The following UNKL variants were observed in gnomAD, a reference collection of about 807,000 sequenced individuals.
The protein encoded by UNKL is putative E3 ubiquitin-protein ligase UNKL.
In UNKL, 60 loss-of-function variants were observed where a neutral mutation model predicts 78.0. That is an observed-to-expected ratio of 0.77 (90% CI 0.63 to 0.95). The LOEUF is 0.95. Among genes scored for constraint, UNKL ranks in the 40% least tolerant of loss-of-function variants. The pLI, the probability that UNKL is intolerant of heterozygous loss-of-function variation, is 0.00. For synonymous variants in UNKL, 608 were observed against 474.8 expected (o/e 1.28, Z -3.65); for missense variants, 1,159 against 1,045.7 (o/e 1.11, Z -1.49).
chr16:1,394,263 G>C, intron 6 of UNKL, 48 bp from the exon 7 acceptor site: 3 of 1,538,198 alleles, frequency 2.0e-6, no homozygotes, highest in African/African-American at 1.4e-5. Context: ...ATGGGATTCT[G>C]TGGAAAGACC....
At chr16:1,381,158 C>A (rs1478102023) in intron 10 of UNKL, among the ~76,000 whole-genome samples, 1 of 152,196 alleles carries the variant, frequency 6.6e-6, no homozygotes. Context: ...CACACAGGCA[C>A]CTGGGTCGAC....
In UNKL at chr16:1,394,163, C is replaced by G. The variant is rs2037162877; in HGVS notation, c.905G>C (p.Arg302Pro). The G allele has an allele frequency of 1.3e-6, 2 of 1,550,592 alleles. No homozygotes were observed. Among genetic ancestry groups the G allele is most frequent in the Admixed American group, 2.0e-5 (1 of 50,994 alleles). ...GTGTGCAAAGGCACAGAAGGGGCCG[C>G]GCGGGCAGTACCCGGTTTGGCGCAT... ...NDMRQTGYCP[R>P]GPFCAFAHVE... Residue 302 changes from arginine (R) to proline (P), a missense_variant, in exon 7 of 15, where the codon CGC becomes CCC. By Grantham distance (103) the Arg-to-Pro change is moderately radical. Transcript: ENST00000389221.
At chr16:1,371,441 C>T in intron 11 of UNKL, 78 bp downstream of exon 11, 1 of 1,434,236 alleles carries the variant, frequency 7.0e-7, no homozygotes. Flanking sequence ...CCTCCCCGGG[C>T]TCAAGCGATC....
chr16:1,367,049 TGCAGG>T, intron 14 of UNKL, 38 bp downstream of exon 14: 1 of 1,478,902 alleles, frequency 6.8e-7, no homozygotes, highest in Admixed American at 2.2e-5. Context: ...ACAGCAGCCC[TGCAGG>T]CAGGCTGGCC....
rs767108361 is a variant in UNKL, at chr16:1,367,139, G to A, written c.1999C>T (p.His667Tyr). The A allele has an allele frequency of 3.8e-6, 6 of 1,597,936 alleles. No homozygotes were observed. The highest frequency in any genetic ancestry group is 1.7e-4 in the Middle Eastern group (1 of 6,002). ...DIGTIPLPKL[H>Y]SLQSQLRLDL... ...AGGCGCAGCTGACTCTGCAGCGAGTGCAGCTTCGGCAGGGGAATGGTGCCG... is the reference window on the plus strand; with the variant it reads ...AGGCGCAGCTGACTCTGCAGCGAGTACAGCTTCGGCAGGGGAATGGTGCCG... Residue 667 changes from histidine (H) to tyrosine (Y), a missense_variant, in exon 14 of 15, where the codon CAC becomes TAC. By Grantham distance (83) the His-to-Tyr change is moderately conservative (BLOSUM62 2). Coordinates refer to ENST00000389221, the MANE Select transcript of UNKL (RefSeq NM_001372107.1).
Position 1,385,264 on chromosome 16 carries a change from GGC to G in UNKL, c.1206_1207del (p.Pro404ArgfsTer26). ...GCCGAGCGGGAGGGCACGGGCGGGG[GGC>G]GCGGGCAGCGCAGTGGGGGAGGAGC... On this transcript the variant is annotated frameshift_variant, in exon 10 of 15. Coordinates refer to ENST00000389221, the MANE Select transcript of UNKL (RefSeq NM_001372107.1). LOFTEE classifies it high-confidence loss of function. 7.5e-7 allele frequency: 1 copy of G among 1,336,224 alleles called. No homozygotes were observed. Among genetic ancestry groups the G allele is most frequent in the Non-Finnish European group, 9.5e-7 (1 of 1,047,760 alleles). The allele number at this position is 1,336,224 out of a possible 1,614,324, so 82.8% of individuals were successfully genotyped here.
chr16:1,389,213 C>G (rs893334374), intron 9 of UNKL, among the ~76,000 whole-genome samples: 2 of 152,192 alleles, frequency 1.3e-5, no homozygotes, highest in Non-Finnish European at 2.9e-5. Flanking sequence ...ACGTGTCCCC[C>G]CCAAATTCCT....
At position 1,363,324 on chromosome 16, in the gene UNKL, C is replaced by T. The variant is rs890946572; in HGVS notation, c.*2916G>A. ...AAACAAGTGTTAACTTTAAACAGTT[C>T]GCTACAAGTAAATGATTATAAATAC... is the stretch of plus-strand genomic sequence containing the variant. On this transcript the variant is annotated 3_prime_UTR_variant, in exon 15 of 15. Coordinates refer to ENST00000389221, the MANE Select transcript of UNKL (RefSeq NM_001372107.1). 4.3e-5 allele frequency: 23 copies of T among 536,182 alleles called. No homozygotes were observed. The highest frequency in any genetic ancestry group is 5.1e-4 in the Middle Eastern group (1 of 1,964). 33.2% of individuals were successfully genotyped at this position (536,182 alleles called of 1,614,324 possible).
intron 10 of UNKL, among the ~76,000 whole-genome samples, chr16:1,371,885 C>G (rs1006618193): frequency 1.3e-5 from 2 of 152,214 alleles, no homozygotes; most frequent in African/African-American, 4.8e-5. Context: ...GCCTCTGACA[C>G]GCTGCTGCTG....
intron 5 of UNKL, chr16:1,398,679 G>GCGGGGCCCCCCCCC: frequency 1.5e-6 from 2 of 1,356,272 alleles, no homozygotes; most frequent in Non-Finnish European, 1.9e-6. Context: ...TGTGGGGTCT[G>GCGGGGCCCCCCCCC]CACCCCCCCA....
chr16:1,380,522 G>C (rs954247494), intron 10 of UNKL, among the ~76,000 whole-genome samples: 4 of 151,734 alleles, frequency 2.6e-5, no homozygotes, highest in Admixed American at 6.6e-5. Context: ...CTCAGACATG[G>C]ACAGAGGAAA....
rs780190624 is a variant in UNKL, at chr16:1,401,621, A to C, written c.545T>G (p.Leu182Trp). The change falls in exon 4 of 15, where the codon TTG becomes TGG. Residue 182 changes from leucine to tryptophan, a missense_variant. Coordinates refer to ENST00000389221, the MANE Select transcript of UNKL (RefSeq NM_001372107.1). ...EGVPDLQPGV[L>W]ASQAMIEKIL... ...CTTCTCAATCATGGCCTGGCTGGCCAAGACCCCAGGCTGCAGATCCGGGAC... is the reference window on the plus strand; with the variant it reads ...CTTCTCAATCATGGCCTGGCTGGCCCAGACCCCAGGCTGCAGATCCGGGAC... The C allele has an allele frequency of 6.2e-6, 10 of 1,608,428 alleles. No individual in the cohort carries two copies. Among genetic ancestry groups the C allele is most frequent in the African/African-American group, 1.4e-5 (1 of 73,982 alleles).
intron 2 of UNKL, among the ~76,000 whole-genome samples, chr16:1,410,213 C>T (rs2037974041): frequency 6.6e-6 from 1 of 151,276 alleles, no homozygotes; most frequent in Admixed American, 6.6e-5. Flanking sequence ...CTGCAGTGGG[C>T]TGTAATGGCA....
At chr16:1,370,021 C>T in intron 12 of UNKL, 109 bp downstream of exon 12, 1 of 1,551,224 alleles carries the variant, frequency 6.4e-7, no homozygotes. Context: ...TTTGCCACCA[C>T]AGATAGGGCA....
At chr16:1,401,408 C>A in intron 4 of UNKL, 160 bp downstream of exon 4, 1 of 941,480 alleles carries the variant, frequency 1.1e-6, no homozygotes. Flanking sequence ...CACCCACCCC[C>A]TGTTGGGGAG....
chr16:1,371,653 T>C lies in UNKL; in HGVS notation c.1265-42A>G, dbSNP rs1310725501. 14 of 1,528,744 alleles carry C rather than the reference T, an allele frequency of 9.2e-6. No homozygotes were observed. The Admixed American group carries it at 2.8e-4, about 30-fold the overall frequency. The allele number at this position is 1,528,744 out of a possible 1,614,324, so 94.7% of individuals were successfully genotyped here. A position where few individuals can be genotyped will look rare whatever the true frequency, so the allele number is the denominator to read the frequency against. On this transcript the variant is annotated intron_variant, in intron 10 of 14. Transcript: ENST00000389221. ...CCATCATCCACAGCCCACCCAGCGC[T>C]GCAGAGCTCAGGAAGCCTAGCTGAG...
At chr16:1,398,999 G>A (rs2142184546) in intron 5 of UNKL, 1 of 1,469,686 alleles carries the variant, frequency 6.8e-7, no homozygotes, top group Non-Finnish European at 9.0e-7. Flanking sequence ...GGCAGCTTGG[G>A]TGAGGAGACA....
chr16:1,387,266 T>A lies in UNKL; in HGVS notation c.1087-1881A>T, dbSNP rs866808559. Among the ~76,000 whole-genome samples, 2 of 152,210 alleles carry A rather than the reference T, an allele frequency of 1.3e-5. No individual in the cohort carries two copies. Among genetic ancestry groups the A allele is most frequent in the Non-Finnish European group, 2.9e-5 (2 of 67,998 alleles). On this transcript the variant is annotated intron_variant, in intron 9 of 14. Transcript: ENST00000389221. The surrounding 1 kb of genome is among the most constrained non-coding windows in gnomAD (Gnocchi z 4.1). ...TGCATGGTGCTGCCAATACCCCCTA[T>A]CAATCCCCCATGGTGAGCCTGGTGA...
At chr16:1,371,998 T>C (rs1053991202) in intron 10 of UNKL, among the ~76,000 whole-genome samples, 3 of 152,068 alleles carry the variant, frequency 2.0e-5, no homozygotes, top group African/African-American at 7.2e-5. Context: ...GGCTCACACC[T>C]GTAATCCCAG....
Sources: allele counts gnomAD v4.1 joint callset (sites outside exome capture counted in the v4.1 genomes callset), GRCh38; gene constraint gnomAD v4.1.1; non-coding constraint Gnocchi (gnomAD v3.1); transcripts MANE v1.5; gene names NCBI Gene and HGNC (gene_info 2026-07-23, HGNC 2026-07-21).